ANO5: variants seen among roughly 807,000 people sequenced by gnomAD.
ANO5 encodes anoctamin 5.
A neutral mutation model predicts 121.0 loss-of-function variants in ANO5; 109 were observed. That is an observed-to-expected ratio of 0.90 (90% confidence interval 0.77 to 1.06). The LOEUF (loss-of-function observed/expected upper bound fraction) is 1.06, where lower values mean the gene tolerates loss of function less well. Among genes scored for constraint, ANO5 ranks in the 50% least tolerant of loss-of-function variants. The pLI, the probability that ANO5 is intolerant of heterozygous loss-of-function variation, is 0.00. For missense variants in ANO5, 1,064 were observed against 1,078.5 expected, an observed-to-expected ratio of 0.99 and a Z score of 0.19; for synonymous variants, 406 against 359.9, an observed-to-expected ratio of 1.13 and a Z score of -1.45.
Position 22,281,060 on chromosome 11 carries a change from TAAAA to T in ANO5, c.*1299_*1302del, listed in dbSNP as rs909444505. 2 of 151,950 alleles carry T rather than the reference TAAAA, an allele frequency of 1.3e-5. No homozygotes were observed. Among genetic ancestry groups the T allele is most frequent in the Admixed American group, 6.6e-5 (1 of 15,252 alleles). The allele number at this position is 151,950 out of a possible 1,614,324, so 9.4% of individuals were successfully genotyped here. A position where few individuals can be genotyped will look rare whatever the true frequency, so the allele number is the denominator to read the frequency against. ...CAAAAATCCTTGTTCTGTTTTCACT[TAAAA>T]AAACTAAATATGTATAACTTTGTGT... On this transcript the variant is annotated 3_prime_UTR_variant, in exon 22 of 22. Coordinates refer to ENST00000324559, the MANE Select transcript of ANO5 (RefSeq NM_213599.3).
At chr11:22,231,441 A>G (rs951664408) in intron 7 of ANO5, among the ~76,000 whole-genome samples, 9 of 151,948 alleles carry the variant, frequency 5.9e-5, no homozygotes, top group Admixed American at 3.3e-4. Flanking sequence ...GATAAGTTAT[A>G]TTAATCCCCA....
chr11:22,252,641 C>T (rs1853865958), intron 12 of ANO5, among the ~76,000 whole-genome samples: 1 of 152,042 alleles, frequency 6.6e-6, no homozygotes, highest in Non-Finnish European at 1.5e-5. Context: ...TTGTAATTTA[C>T]ATTTGATCTC....
At chr11:22,207,398 A>T (rs1852152083) in intron 2 of ANO5, among the ~76,000 whole-genome samples, 1 of 152,164 alleles carries the variant, frequency 6.6e-6, no homozygotes, top group African/African-American at 2.4e-5. Flanking sequence ...TCACACAAGT[A>T]CAGCCAAATG....
chr11:22,279,657 T>C lies in ANO5; in HGVS notation c.2634T>C (p.Asp878=), dbSNP rs1378729231. Residue 878 remains aspartate (D), a synonymous_variant, in exon 22 of 22, where the codon GAT becomes GAC. Coordinates refer to ENST00000324559, the MANE Select transcript of ANO5 (RefSeq NM_213599.3). ...TAATGACTATCAAGATTCTCCATGATTTTGAGCTCAACAAATTAAAAGAGA... is the reference window on the plus strand; with the variant it reads ...TAATGACTATCAAGATTCTCCATGACTTTGAGCTCAACAAATTAAAAGAGA... The part of the protein sequence containing the change: ...EKLMTIKILH[D]FELNKLKENL... 11 of 1,612,810 alleles carry C rather than the reference T, an allele frequency of 6.8e-6. No homozygotes were observed. The highest frequency in any genetic ancestry group is 2.7e-5 in the African/African-American group (2 of 74,872).
intron 7 of ANO5, among the ~76,000 whole-genome samples, 187 bp from the exon 8 acceptor site, chr11:22,235,976 G>A (rs929940678): frequency 6.6e-6 from 1 of 152,102 alleles, no homozygotes; most frequent in Non-Finnish European, 1.5e-5. Context: ...AGACTCAGAA[G>A]CTAAAATATC....
At chr11:22,275,018 C>T (rs2133796193) in intron 20 of ANO5, among the ~76,000 whole-genome samples, 1 of 151,970 alleles carries the variant, frequency 6.6e-6, no homozygotes, top group South Asian at 2.1e-4. Context: ...TTTTTTCTTA[C>T]TTTCTAATGT....
At position 22,274,716 on chromosome 11, in the gene ANO5, C is replaced by T. The variant is rs545101053; in HGVS notation, c.2383C>T (p.Pro795Ser). ...AGCTGATTTTCCAAACCACACTGCA[C>T]CTTCGGAAAAACGAGACTTCATCAC... Reference protein sequence around the residue: ...LIADFPNHTAPSEKRDFITCR... With the variant: ...LIADFPNHTASSEKRDFITCR... Residue 795 changes from proline (P) to serine (S), a missense_variant, in exon 20 of 22, where the codon CCT becomes TCT. Transcript: ENST00000324559. 1 of 1,613,458 alleles carries T rather than the reference C, an allele frequency of 6.2e-7. No individual in the cohort carries two copies. The highest frequency in any genetic ancestry group is 2.2e-5 in the East Asian group (1 of 44,848).
In ANO5 at chr11:22,202,147, C is replaced by A. The variant is rs973668834; in HGVS notation, c.41-1657C>A. Among the ~76,000 whole-genome samples, 21 of 151,706 alleles carry A rather than the reference C, an allele frequency of 1.4e-4. 1 individual carries two copies. The highest frequency in any genetic ancestry group is 4.9e-4 in the African/African-American group (20 of 41,086). ...ATCTTATACTAGCAAAGCTATGACC[C>A]ATAAATCTGCTTTTTAAAATAAAAT... On this transcript the variant is annotated intron_variant, in intron 1 of 21. Transcript: ENST00000324559.
At position 22,283,024 on chromosome 11, in the gene ANO5, G is replaced by A. The variant is rs561953476; in HGVS notation, c.*3259G>A. The A allele has an allele frequency of 5.9e-5, 9 of 152,260 alleles. No individual in the cohort carries two copies. The highest frequency in any genetic ancestry group is 1.3e-4 in the Admixed American group (2 of 15,290). 9.4% of individuals were successfully genotyped at this position (152,260 alleles called of 1,614,324 possible). Reference sequence around the variant, plus strand: ...CAAATTTTGACTCTTCTACTTTTATGTGTAATAATTCCAGTATTCTATTTA... The same window carrying A: ...CAAATTTTGACTCTTCTACTTTTATATGTAATAATTCCAGTATTCTATTTA... On this transcript the variant is annotated 3_prime_UTR_variant, in exon 22 of 22. Coordinates refer to ENST00000324559, the MANE Select transcript of ANO5 (RefSeq NM_213599.3).
chr11:22,204,107 C>T (rs532918181), intron 2 of ANO5, among the ~76,000 whole-genome samples: 1 of 152,082 alleles, frequency 6.6e-6, no homozygotes, highest in South Asian at 2.1e-4. Flanking sequence ...ATATGCTGAT[C>T]ATTGATATGC....
intron 9 of ANO5, among the ~76,000 whole-genome samples, chr11:22,242,759 G>C (rs1013894858): frequency 4.6e-5 from 7 of 151,980 alleles, no homozygotes; most frequent in African/African-American, 9.7e-5. Flanking sequence ...AAACTTTACT[G>C]AACTCTCTCA....
At chr11:22,248,750 G>A (rs1257109768) in intron 9 of ANO5, among the ~76,000 whole-genome samples, 2 of 151,838 alleles carry the variant, frequency 1.3e-5, no homozygotes, top group Non-Finnish European at 2.9e-5. Flanking sequence ...GAAAAAAGTA[G>A]TACTTTAAAA....
chr11:22,246,856 C>CAAAAAAAAAAAAAAA (rs10565920), intron 9 of ANO5, among the ~76,000 whole-genome samples: 3 of 62,210 alleles, frequency 4.8e-5, no homozygotes, highest in Non-Finnish European at 1.0e-4. Flanking sequence ...GACCCTGTTT[C>CAAAAAAAAAAAAAAA]AAAAAAAAAA....
intron 9 of ANO5, among the ~76,000 whole-genome samples, chr11:22,243,584 G>A (rs1590272320): frequency 6.6e-6 from 1 of 151,814 alleles, no homozygotes; most frequent in East Asian, 1.9e-4. Context: ...TTAAATTAAT[G>A]ATTAAATTTC....
chr11:22,259,781 T>C (rs1197859592), intron 15 of ANO5, 40 bp downstream of exon 15: 5 of 1,545,604 alleles, frequency 3.2e-6, no homozygotes, highest in Admixed American at 3.4e-5. Context: ...TGAAGAATGA[T>C]TCTTATTGAT....
Position 22,227,593 on chromosome 11 carries a change from A to G in ANO5, c.648+7A>G. The G allele has an allele frequency of 6.2e-7, 1 of 1,613,226 alleles. No individual in the cohort carries two copies. Among genetic ancestry groups the G allele is most frequent in the Non-Finnish European group, 8.5e-7 (1 of 1,179,468 alleles). ...CTCATCAAGAAACAGAATTGTAGGT[A>G]GAGAAGACCTTTGGGCACATCCCTT... is the stretch of plus-strand genomic sequence containing the variant. On this transcript the variant is annotated splice_region_variant and intron_variant, in intron 7 of 21. Transcript: ENST00000324559.
intron 1 of ANO5, among the ~76,000 whole-genome samples, chr11:22,195,342 T>C (rs1047902966): frequency 3.3e-5 from 5 of 152,226 alleles, no homozygotes; most frequent in African/African-American, 1.2e-4. Flanking sequence ...TTATTAGATA[T>C]ATGATTTACA....
intron 3 of ANO5, among the ~76,000 whole-genome samples, chr11:22,215,954 G>C (rs4922614): frequency 0.69 from 104,892 of 151,692 alleles, 37,810 homozygotes; most frequent in Non-Finnish European, 0.81. Flanking sequence ...TAAGACTCAT[G>C]CAAAACTCCA....
At chr11:22,251,102 A>G (rs1853801030) in intron 12 of ANO5, 91 bp downstream of exon 12, 1 of 1,277,236 alleles carries the variant, frequency 7.8e-7, no homozygotes, top group Admixed American at 1.9e-5. Context: ...AATATCTTAC[A>G]TACCAAATGT....
Sources: gnomAD v4.1 joint callset for allele counts (sites outside exome capture counted in the v4.1 genomes callset) on GRCh38, gnomAD v4.1.1 for gene constraint, MANE v1.5 for transcripts, NCBI Gene and HGNC (gene_info 2026-07-23, HGNC 2026-07-21) for gene names.